CELF2: variants seen among roughly 807,000 people sequenced by gnomAD.
CELF2 encodes CUGBP Elav-like family member 2.
CELF2 carries 8 observed loss-of-function variants against 62.6 expected under a neutral mutation model. The observed-to-expected ratio is 0.13, with a 90% CI of 0.07 to 0.23. The LOEUF (loss-of-function observed/expected upper bound fraction) is 0.23. CELF2 is among the 10% of genes least tolerant of loss of function. The pLI, the probability that CELF2 is intolerant of heterozygous loss-of-function variation, is 1.00. For missense variants in CELF2, 333 were observed against 671.0 expected (o/e 0.50, Z 5.56); for synonymous variants, 258 against 250.0 (o/e 1.03, Z -0.30).
At chr10:10,672,489 CTTTT>C in the CELF2 span, among the ~76,000 whole-genome samples, 1 of 138,344 alleles carries the variant, frequency 7.2e-6, no homozygotes, top group Non-Finnish European at 1.6e-5. Context: ...GTCTACATTC[CTTTT>C]TTTTTTTTTT....
At position 11,005,564 on chromosome 10, in the gene CELF2, C is replaced by G; in HGVS notation, c.53+124C>G. The G allele has an allele frequency of 1.6e-5, 23 of 1,440,636 alleles. No individual in the cohort carries two copies. Among genetic ancestry groups the G allele is most frequent in the Non-Finnish European group, 2.1e-5 (22 of 1,035,052 alleles). The allele number at this position is 1,440,636 out of a possible 1,614,324, so 89.2% of individuals were successfully genotyped here. ...TAGAAGAGAAGGGGGGAAAAAGAAT[C>G]TAAAGAGGAAGAGGGAGATGAAATC... On this transcript the variant is annotated intron_variant, in intron 1 of 12. Coordinates refer to the CELF2 transcript ENST00000416382. The surrounding 1 kb of genome is among the most constrained non-coding windows in gnomAD (Gnocchi z 4.3).
intron 4 of CELF2, among the ~76,000 whole-genome samples, chr10:11,253,178 A>G (rs1335667651): frequency 6.6e-6 from 1 of 152,076 alleles, no homozygotes; most frequent in African/African-American, 2.4e-5. Context: ...GCCGCAAGGG[A>G]AGTTGCTTGT....
chr10:11,193,408 G>T (rs958781617), intron 2 of CELF2, among the ~76,000 whole-genome samples: 1 of 152,208 alleles, frequency 6.6e-6, no homozygotes, highest in Non-Finnish European at 1.5e-5. Context: ...AAGTTTCACC[G>T]TGACAAGTGC....
chr10:10,864,087 G>A (rs2060209074), intron 1 of CELF2, among the ~76,000 whole-genome samples: 1 of 152,014 alleles, frequency 6.6e-6, no homozygotes, highest in African/African-American at 2.4e-5. Context: ...ATTATAATTA[G>A]CATATAATAA....
intron 1 of CELF2, among the ~76,000 whole-genome samples, chr10:11,043,148 C>G (rs1279634986): frequency 2.0e-5 from 3 of 152,198 alleles, no homozygotes; most frequent in African/African-American, 7.2e-5. Context: ...TTCCAACTTG[C>G]TGCATCCTTG....
chr10:10,669,899 C>CTTTTTT, the CELF2 span, among the ~76,000 whole-genome samples: 2 of 84,214 alleles, frequency 2.4e-5, no homozygotes, highest in African/African-American at 9.0e-5. Context: ...TCTTATATGC[C>CTTTTTT]TTTTTTTTTT....
At chr10:11,005,257 A>AGAGG (rs1554767123), upstream of CELF2, 46 of 350,278 alleles carry the variant, frequency 1.3e-4, no homozygotes, top group Admixed American at 9.3e-4. This position sits in a 1 kb window ranked among gnomAD's most constrained non-coding sequence, Gnocchi z 4.3. Flanking sequence ...AGAGAGAGGG[A>AGAGG]GAGAGAGAGA....
chr10:11,007,446 T>C (rs1475918182), intron 1 of CELF2, among the ~76,000 whole-genome samples: 1 of 152,216 alleles, frequency 6.6e-6, no homozygotes, highest in Non-Finnish European at 1.5e-5. Flanking sequence ...TAGAATTGCC[T>C]TCTAAAGTAG....
chr10:10,853,747 G>A (rs1178801669), intron 1 of CELF2, among the ~76,000 whole-genome samples: 1 of 152,110 alleles, frequency 6.6e-6, no homozygotes, highest in African/African-American at 2.4e-5. Flanking sequence ...TCGGCATGAG[G>A]CAGATGCCAG....
intron 1 of CELF2, among the ~76,000 whole-genome samples, chr10:11,032,133 C>T (rs188089640): frequency 9.7e-4 from 72 of 74,070 alleles, no homozygotes; most frequent in Non-Finnish European, 1.6e-3. Flanking sequence ...CCCAGCTCCA[C>T]ATAGGGCTTA....
chr10:10,978,838 T>C lies in CELF2; in HGVS notation c.89+58839T>C, dbSNP rs577422275. Among the ~76,000 whole-genome samples the C allele has an allele frequency of 7.7e-4, 118 of 152,300 alleles. 2 individuals are homozygous for C. The highest frequency in any genetic ancestry group is 1.5e-3 in the Non-Finnish European group (99 of 68,020). ...CAATATCAGTATTACTGATGAATAC[T>C]AGGAAAATTAACAAAAATACTCATA... On this transcript the variant is annotated intron_variant, in intron 2 of 13. Coordinates refer to the CELF2 transcript ENST00000636488.
intron 1 of CELF2, among the ~76,000 whole-genome samples, chr10:11,133,622 C>G (rs1462866821): frequency 6.6e-6 from 1 of 152,154 alleles, no homozygotes; most frequent in Non-Finnish European, 1.5e-5. Context: ...TAAGCCTAAT[C>G]TGATACATAT....
rs1367693607 is a variant in CELF2, at chr10:11,309,203, A to G, written c.977-4936A>G. On this transcript the variant is annotated intron_variant, in intron 9 of 12. Transcript: ENST00000633077. The surrounding 1 kb of genome is among the most constrained non-coding windows in gnomAD (Gnocchi z 5.6). ...ATGTTCTTGTTCCCTTGCATATATC[A>G]TAGCTTTCTATTAACAACAGGACAT... is the stretch of plus-strand genomic sequence containing the variant. Among the ~76,000 whole-genome samples the G allele has an allele frequency of 2.6e-5, 4 of 152,184 alleles. No individual in the cohort carries two copies. The highest frequency in any genetic ancestry group is 5.9e-5 in the Non-Finnish European group (4 of 68,028).
rs2094153510 is a variant in CELF2, at chr10:11,305,753, C to T, written c.977-8386C>T. Among the ~76,000 whole-genome samples, 1 of 152,200 alleles carries T rather than the reference C, an allele frequency of 6.6e-6. No individual in the cohort carries two copies. The highest frequency in any genetic ancestry group is 1.5e-5 in the Non-Finnish European group (1 of 68,032). On this transcript the variant is annotated intron_variant, in intron 9 of 12. Coordinates refer to ENST00000633077, the MANE Select transcript of CELF2 (RefSeq NM_001326342.2). This position sits in a 1 kb window ranked among gnomAD's most constrained non-coding sequence, Gnocchi z 4.8. The stretch of plus-strand genomic sequence containing the variant: ...CAGCTCTAAGGAGAAGGAACCCATC[C>T]CGTCCCCTCAGTTGGGATTAGTGTT...
chr10:10,725,831 T>A, the CELF2 span, among the ~76,000 whole-genome samples: 258 of 152,198 alleles, frequency 1.7e-3, no homozygotes, highest in African/African-American at 5.9e-3. Flanking sequence ...CTTATTTATT[T>A]ATTATTTATT....
intron 1 of CELF2, among the ~76,000 whole-genome samples, chr10:10,897,239 T>C (rs562942426): frequency 6.6e-6 from 1 of 152,294 alleles, no homozygotes; most frequent in East Asian, 1.9e-4. Context: ...TTTCAGGTGC[T>C]TCTGGTGAGG....
At chr10:10,926,942 C>T (rs1044442678) in intron 2 of CELF2, 4 of 152,206 alleles carry the variant, frequency 2.6e-5, no homozygotes, top group African/African-American at 9.7e-5. Flanking sequence ...CCATGAAGTG[C>T]TCTCTTCATT....
At chr10:10,471,511 A>G in the CELF2 span, among the ~76,000 whole-genome samples, 1 of 151,700 alleles carries the variant, frequency 6.6e-6, no homozygotes, top group Admixed American at 6.6e-5. Flanking sequence ...TGAGTAGAAT[A>G]TTGTAGATTA....
chr10:10,699,959 C>T, the CELF2 span, among the ~76,000 whole-genome samples: 1 of 152,136 alleles, frequency 6.6e-6, no homozygotes, highest in Non-Finnish European at 1.5e-5. Flanking sequence ...AGCAGAGGCC[C>T]AAATACTGAA....
Sources: gnomAD v4.1 joint callset for allele counts (sites outside exome capture counted in the v4.1 genomes callset) on GRCh38, gnomAD v4.1.1 for gene constraint, Gnocchi (gnomAD v3.1) non-coding constraint, MANE v1.5 for transcripts, NCBI Gene and HGNC (gene_info 2026-07-23, HGNC 2026-07-21) for gene names.